The following GAB1 variants were observed in gnomAD, a reference collection of about 807,000 sequenced individuals.
GAB1 encodes the protein GRB2 associated binding protein 1, also known as GRB2-associated-binding protein 1.
Under a neutral mutation model 66.5 loss-of-function variants are expected in GAB1, and 19 were observed. That is an observed-to-expected ratio of 0.29 (90% CI 0.20 to 0.42). GAB1 has a LOEUF of 0.42. Among genes scored for constraint, GAB1 ranks in the 10% least tolerant of loss-of-function variants. The pLI, the probability that GAB1 is intolerant of heterozygous loss-of-function variation, is 1.00. For missense variants in GAB1, 732 were observed against 858.5 expected (o/e 0.85, Z 1.84); for synonymous variants, 294 against 301.4 (o/e 0.98, Z 0.25).
chr4:143,339,708 G>GTTT (rs1414632329), intron 1 of GAB1, among the ~76,000 whole-genome samples: 1 of 152,194 alleles, frequency 6.6e-6, no homozygotes, highest in African/African-American at 2.4e-5. Context: ...AAAGCCAACA[G>GTTT]TGCAAAGTGG....
intron 1 of GAB1, among the ~76,000 whole-genome samples, chr4:143,366,063 A>G (rs1273640063): frequency 6.6e-6 from 1 of 152,226 alleles, no homozygotes; most frequent in East Asian, 1.9e-4. Context: ...GGCTTTGTAC[A>G]AAGGAATCAT....
intron 1 of GAB1, among the ~76,000 whole-genome samples, chr4:143,347,568 A>T (rs569895711): frequency 2.0e-5 from 3 of 152,362 alleles, no homozygotes; most frequent in African/African-American, 7.2e-5. Context: ...CCTTTCCGTC[A>T]GAGTGAATGC....
chr4:143,352,823 C>T (rs995775405), intron 1 of GAB1, among the ~76,000 whole-genome samples: 1 of 152,076 alleles, frequency 6.6e-6, no homozygotes, highest in Non-Finnish European at 1.5e-5. Flanking sequence ...TAACTTTAAC[C>T]TCTCTTCTGT....
chr4:143,371,168 G>A (rs1323358455), intron 1 of GAB1, among the ~76,000 whole-genome samples: 5 of 152,028 alleles, frequency 3.3e-5, no homozygotes, highest in African/African-American at 7.2e-5. Flanking sequence ...CCCACCAACA[G>A]TGGAAAAGTG....
At chr4:143,375,522 A>G (rs1054578068) in intron 1 of GAB1, among the ~76,000 whole-genome samples, 5 of 152,132 alleles carry the variant, frequency 3.3e-5, no homozygotes, top group African/African-American at 1.2e-4. Flanking sequence ...GCCTCCCAAC[A>G]TTGATCATGC....
At chr4:143,459,553 T>G in intron 7 of GAB1, 75 bp downstream of exon 7, 1 of 903,604 alleles carries the variant, frequency 1.1e-6, no homozygotes, top group Non-Finnish European at 1.8e-6. Context: ...TCATGGAAAA[T>G]ATCTGGAATA....
At chr4:143,349,371 G>A in intron 1 of GAB1, 1 of 1,008,818 alleles carries the variant, frequency 9.9e-7, no homozygotes. Context: ...AGGGAGACTT[G>A]GTAAATACAG....
chr4:143,460,758 G>A (rs1735449585), intron 8 of GAB1, among the ~76,000 whole-genome samples: 1 of 152,118 alleles, frequency 6.6e-6, no homozygotes, highest in African/African-American at 2.4e-5. Flanking sequence ...TGAGGTGGGA[G>A]GATCACTTGA....
chr4:143,337,713 T>C (rs565663447), intron 1 of GAB1, among the ~76,000 whole-genome samples: 2 of 152,016 alleles, frequency 1.3e-5, no homozygotes, highest in East Asian at 1.9e-4. Flanking sequence ...TGGTGGGCGC[T>C]CCCTCTCCTC....
At chr4:143,396,599 T>C (rs1731466996) in intron 1 of GAB1, among the ~76,000 whole-genome samples, 1 of 152,148 alleles carries the variant, frequency 6.6e-6, no homozygotes, top group Admixed American at 6.5e-5. Context: ...AGGACTTCAG[T>C]AGATCTAAAA....
intron 1 of GAB1, among the ~76,000 whole-genome samples, chr4:143,364,290 A>T (rs138830124): frequency 6.6e-6 from 1 of 151,654 alleles, no homozygotes; most frequent in African/African-American, 2.4e-5. Flanking sequence ...TCCTACGTGC[A>T]TGGGCTTGTG....
chr4:143,402,584 C>A (rs1434045743), intron 1 of GAB1, among the ~76,000 whole-genome samples: 1 of 152,112 alleles, frequency 6.6e-6, no homozygotes, highest in Non-Finnish European at 1.5e-5. Context: ...TTCAGAATTT[C>A]GTGAAGGTCA....
chr4:143,447,381 T>C (rs1424952773), intron 6 of GAB1, among the ~76,000 whole-genome samples: 2 of 152,314 alleles, frequency 1.3e-5, no homozygotes, highest in South Asian at 2.1e-4. Context: ...TAAATTACCT[T>C]GGGCAGTATG....
intron 8 of GAB1, among the ~76,000 whole-genome samples, chr4:143,465,098 A>G (rs1735713541): frequency 6.6e-6 from 1 of 152,208 alleles, no homozygotes; most frequent in Admixed American, 6.5e-5. Flanking sequence ...GAAGCCAAGA[A>G]CATTTCTAGA....
chr4:143,439,212 G>C (rs1173596174), intron 4 of GAB1, among the ~76,000 whole-genome samples: 1 of 152,110 alleles, frequency 6.6e-6, no homozygotes, highest in Non-Finnish European at 1.5e-5. Context: ...CAGACCTTGA[G>C]AGGAGAAGAA....
intron 6 of GAB1, among the ~76,000 whole-genome samples, chr4:143,459,052 A>G (rs1735347964): frequency 6.6e-6 from 1 of 152,146 alleles, no homozygotes. Flanking sequence ...ATAATGAAAC[A>G]TATAAAGCAA....
At chr4:143,362,739 C>G (rs1729715503) in intron 1 of GAB1, among the ~76,000 whole-genome samples, 1 of 152,160 alleles carries the variant, frequency 6.6e-6, no homozygotes, top group African/African-American at 2.4e-5. Flanking sequence ...TTTTGGCCAG[C>G]CTTTTCTGTG....
At chr4:143,353,635 T>C (rs1198845543) in intron 1 of GAB1, among the ~76,000 whole-genome samples, 2 of 150,868 alleles carry the variant, frequency 1.3e-5, no homozygotes, top group African/African-American at 4.9e-5. Context: ...AGGGGAACTT[T>C]ATAGTTCAAT....
At chr4:143,362,132 C>T (rs1729687735) in intron 1 of GAB1, among the ~76,000 whole-genome samples, 1 of 151,958 alleles carries the variant, frequency 6.6e-6, no homozygotes, top group African/African-American at 2.4e-5. Context: ...AAAAGAATCA[C>T]ATAAGTCCAC....
Sources: allele counts gnomAD v4.1 joint callset (sites outside exome capture counted in the v4.1 genomes callset), GRCh38; gene constraint gnomAD v4.1.1; transcripts MANE v1.5; gene names NCBI Gene and HGNC (gene_info 2026-07-23, HGNC 2026-07-21).